The following OCM variants were observed in gnomAD, a reference collection of about 807,000 sequenced individuals.
OCM encodes the protein oncomodulin-1.
A neutral mutation model predicts 14.1 loss-of-function variants in OCM; 18 were observed. The ratio of observed to expected loss-of-function variants is 1.28; its 90% confidence interval spans 0.88 to 1.89. The LOEUF is 1.89. OCM is among the 40% of genes most tolerant of loss of function. The pLI, the probability that OCM is intolerant of heterozygous loss-of-function variation, is 0.00. For missense variants in OCM, 140 were observed against 137.6 expected, an observed-to-expected ratio of 1.02 and a Z score of -0.09; for synonymous variants, 48 against 51.0, an observed-to-expected ratio of 0.94 and a Z score of 0.25.
the OCM span, among the ~76,000 whole-genome samples, chr7:5,864,250 G>A: frequency 6.6e-6 from 1 of 151,524 alleles, no homozygotes; most frequent in Non-Finnish European, 1.5e-5. Flanking sequence ...GGATGCTATG[G>A]TAGGGGAAAT....
chr7:5,864,045 G>T, the OCM span, among the ~76,000 whole-genome samples: 3 of 151,956 alleles, frequency 2.0e-5, no homozygotes, highest in African/African-American at 7.2e-5. Flanking sequence ...GGGAACAAGG[G>T]GGGCAAAGAG....
At chr7:5,871,179 C>T in the OCM span, among the ~76,000 whole-genome samples, 1 of 151,350 alleles carries the variant, frequency 6.6e-6, no homozygotes, top group Non-Finnish European at 1.5e-5. Context: ...AGAGCCCCCC[C>T]CCCGTCTCTA....
the OCM span, among the ~76,000 whole-genome samples, chr7:5,865,911 C>G: frequency 2.6e-5 from 4 of 152,152 alleles, no homozygotes; most frequent in African/African-American, 4.8e-5. Context: ...ATATGCCGCA[C>G]TCTTGATAAT....
At chr7:5,882,844 T>C (rs1407748517) in intron 2 of OCM, among the ~76,000 whole-genome samples, 1 of 146,414 alleles carries the variant, frequency 6.8e-6, no homozygotes, top group African/African-American at 2.5e-5. Context: ...AAGATTCTTT[T>C]TTTTTTTTTT....
chr7:5,878,185 G>A (rs1316762258), upstream of OCM, among the ~76,000 whole-genome samples: 1 of 151,094 alleles, frequency 6.6e-6, no homozygotes, highest in Non-Finnish European at 1.5e-5. Flanking sequence ...GGCTGGTCTC[G>A]AACTCCTGAC....
At chr7:5,881,733 G>C (rs1463419083) in intron 1 of OCM, among the ~76,000 whole-genome samples, 3 of 152,066 alleles carry the variant, frequency 2.0e-5, no homozygotes, top group African/African-American at 7.2e-5. Context: ...AGAGATCTGG[G>C]ATCTGAGCAC....
chr7:5,867,840 C>T, the OCM span, among the ~76,000 whole-genome samples: 1 of 152,014 alleles, frequency 6.6e-6, no homozygotes, highest in Non-Finnish European at 1.5e-5. Flanking sequence ...TGGTTCACTG[C>T]AGCCTTGACC....
At chr7:5,867,246 C>A in the OCM span, among the ~76,000 whole-genome samples, 1 of 152,068 alleles carries the variant, frequency 6.6e-6, no homozygotes, top group Non-Finnish European at 1.5e-5. Context: ...ATCCCACCTA[C>A]TCAGGAGGAT....
At position 5,886,069 on chromosome 7, in the gene OCM, C is replaced by T; in HGVS notation, c.310C>T (p.Gln104Ter). Residue 104 changes from glutamine to a stop codon, truncating the protein, a stop_gained, in exon 4 of 4, where the codon CAG becomes TAG. Transcript: ENST00000242104. LOFTEE classifies it high-confidence loss of function. ...GDGKIGAEEF[Q>*]EMVHS is the part of the protein sequence containing the mutation. ...TCTCACCTCTTCTGTTCTAGAATTC[C>T]AGGAAATGGTGCATTCTTAAAAGCC... The T allele has an allele frequency of 3.1e-6, 5 of 1,614,040 alleles. No individual in the cohort carries two copies. The highest frequency in any genetic ancestry group is 4.2e-6 in the Non-Finnish European group (5 of 1,179,984).
At chr7:5,866,966 C>T in the OCM span, among the ~76,000 whole-genome samples, 3 of 152,114 alleles carry the variant, frequency 2.0e-5, no homozygotes, top group East Asian at 1.9e-4. Context: ...TTTCACTTTA[C>T]AATATGTGGT....
the OCM span, among the ~76,000 whole-genome samples, chr7:5,870,393 G>A: frequency 1.3e-5 from 2 of 152,180 alleles, no homozygotes; most frequent in African/African-American, 2.4e-5. Context: ...GATTACAGGC[G>A]TGAGCCACTG....
upstream of OCM, chr7:5,880,772 A>T (rs1487349761): frequency 2.1e-5 from 20 of 940,114 alleles, no homozygotes; most frequent in East Asian, 7.9e-5. Context: ...TTAAAAAAAA[A>T]AATAATCTAG....
At chr7:5,863,825 C>T in the OCM span, among the ~76,000 whole-genome samples, 3 of 152,090 alleles carry the variant, frequency 2.0e-5, no homozygotes, top group African/African-American at 4.8e-5. Context: ...AGCCACTGTA[C>T]CCGGCCTGAT....
At chr7:5,870,099 A>AT in the OCM span, among the ~76,000 whole-genome samples, 2 of 147,944 alleles carry the variant, frequency 1.4e-5, no homozygotes, top group African/African-American at 5.1e-5. Flanking sequence ...ATCATTTTTT[A>AT]TTTTATTTTA....
the OCM span, among the ~76,000 whole-genome samples, chr7:5,860,787 TATACATATATATACACACATACACAC>T: frequency 1.4e-4 from 14 of 98,168 alleles, 1 homozygote; most frequent in African/African-American, 6.8e-4. Context: ...TACGTGTATA[TATACATATATATACACACATACACAC>T]ATACATATAT....
Position 5,880,903 on chromosome 7 carries a change from A to C in OCM, c.14A>C (p.Asp5Ala). Residue 5 changes from aspartate to alanine, a missense_variant, in exon 1 of 4, where the codon GAC becomes GCC. Asp to Ala is a moderately radical substitution (Grantham distance 126). Transcript: ENST00000242104. MSIT[D>A]VLSADDIAAA... ...AGTAGGTAGAAAATGAGCATCACGGACGTGCTCAGTGCTGACGACATTGCA... is the reference window on the plus strand; with the variant it reads ...AGTAGGTAGAAAATGAGCATCACGGCCGTGCTCAGTGCTGACGACATTGCA... 1 of 1,613,974 alleles carries C rather than the reference A, an allele frequency of 6.2e-7. No homozygotes were observed. The highest frequency in any genetic ancestry group is 8.5e-7 in the Non-Finnish European group (1 of 1,179,922).
chr7:5,868,870 C>T, the OCM span, among the ~76,000 whole-genome samples: 2 of 151,920 alleles, frequency 1.3e-5, no homozygotes, highest in African/African-American at 2.4e-5. Flanking sequence ...CGAAACCAGC[C>T]TGGCTAACAT....
intron 3 of OCM, among the ~76,000 whole-genome samples, chr7:5,885,289 G>T (rs553861554): frequency 7.9e-5 from 12 of 152,052 alleles, no homozygotes; most frequent in Non-Finnish European, 1.5e-4. Context: ...TGGTTCAATG[G>T]AGGAAAGTCA....
chr7:5,865,620 A>C, the OCM span, among the ~76,000 whole-genome samples: 1 of 152,216 alleles, frequency 6.6e-6, no homozygotes, highest in Admixed American at 6.5e-5. Flanking sequence ...TACAGTTGCA[A>C]TAATGCAAAA....
Sources: allele counts gnomAD v4.1 joint callset (sites outside exome capture counted in the v4.1 genomes callset), GRCh38; gene constraint gnomAD v4.1.1; transcripts MANE v1.5; gene names NCBI Gene and HGNC (gene_info 2026-07-23, HGNC 2026-07-21).